Variants in WDFY1 observed in about 807,000 individuals in gnomAD.
WDFY1 encodes WD repeat and FYVE domain containing 1, also known as WD repeat and FYVE domain-containing protein 1.
A neutral mutation model predicts 56.4 loss-of-function variants in WDFY1; 32 were observed. The ratio of observed to expected loss-of-function variants is 0.57; its 90% confidence interval spans 0.43 to 0.76. The LOEUF (loss-of-function observed/expected upper bound fraction) is 0.76, where lower values mean the gene tolerates loss of function less well. Among genes scored for constraint, WDFY1 ranks in the 30% least tolerant of loss-of-function variants. The pLI is 0.00. For missense variants in WDFY1, 480 were observed against 545.7 expected, an observed-to-expected ratio of 0.88 and a Z score of 1.20; for synonymous variants, 192 against 197.3, an observed-to-expected ratio of 0.97 and a Z score of 0.23.
chr2:223,925,058 A>C (rs1057358412), intron 1 of WDFY1, among the ~76,000 whole-genome samples: 1 of 152,226 alleles, frequency 6.6e-6, no homozygotes, highest in Non-Finnish European at 1.5e-5. Context: ...AAAACTTCAT[A>C]TAAGCTTTAT....
In WDFY1 at chr2:223,878,674, G is replaced by A; in HGVS notation, c.1230C>T (p.His410=). Residue 410 remains histidine, a synonymous_variant, in exon 12 of 12, where the codon CAC becomes CAT. Transcript: ENST00000233055. ...GCSLATGFSP[H] ...TGGACGCCGCCCAGCTCTCAGATCAGTGCGGAGAAAACCCAGTCGCCAGAC... is the reference window on the plus strand; with the variant it reads ...TGGACGCCGCCCAGCTCTCAGATCAATGCGGAGAAAACCCAGTCGCCAGAC... 1.2e-6 allele frequency: 2 copies of A among 1,613,656 alleles called. No homozygotes were observed. The highest frequency in any genetic ancestry group is 1.7e-6 in the Non-Finnish European group (2 of 1,179,550).
At chr2:223,908,730 C>A (rs977611094) in intron 3 of WDFY1, among the ~76,000 whole-genome samples, 7 of 152,166 alleles carry the variant, frequency 4.6e-5, no homozygotes, top group Non-Finnish European at 8.8e-5. Flanking sequence ...AGACCAAACC[C>A]TGAGGTTCCA....
intron 6 of WDFY1, among the ~76,000 whole-genome samples, chr2:223,896,583 C>T (rs2106079359): frequency 6.6e-6 from 1 of 152,264 alleles, no homozygotes; most frequent in South Asian, 2.1e-4. Context: ...TTCAGTAGGT[C>T]CTTTCCTTGT....
At chr2:223,927,276 A>G (rs1439717085) in intron 1 of WDFY1, among the ~76,000 whole-genome samples, 1 of 152,358 alleles carries the variant, frequency 6.6e-6, no homozygotes, top group African/African-American at 2.4e-5. Context: ...AAAGTCCTAG[A>G]TGGCATCTTC....
chr2:223,878,708 A>T lies in WDFY1; in HGVS notation c.1196T>A (p.Val399Glu). The change falls in exon 12 of 12, where the codon GTG becomes GAG. Residue 399 changes from valine to glutamate, a missense_variant. Coordinates refer to ENST00000233055, the MANE Select transcript of WDFY1 (RefSeq NM_020830.5). ...AAACCCAGTCGCCAGACTGCAGCCCACCACAGGTGTCATGTCCCAGATCTA... is the reference window on the plus strand; with the variant it reads ...AAACCCAGTCGCCAGACTGCAGCCCTCCACAGGTGTCATGTCCCAGATCTA... Reference protein sequence around the residue: ...IVKIWDMTPVVGCSLATGFSP... With the variant: ...IVKIWDMTPVEGCSLATGFSP... The T allele has an allele frequency of 1.2e-6, 2 of 1,614,048 alleles. No individual in the cohort carries two copies. The highest frequency in any genetic ancestry group is 1.7e-6 in the Non-Finnish European group (2 of 1,179,964).
At chr2:223,917,072 C>G (rs580619) in intron 2 of WDFY1, among the ~76,000 whole-genome samples, 131,377 of 152,006 alleles carry the variant, frequency 0.86, 57,253 homozygotes, top group Non-Finnish European at 0.93. Flanking sequence ...CCTTGGCCTC[C>G]CAAAGTGCTG....
intron 7 of WDFY1, among the ~76,000 whole-genome samples, chr2:223,895,115 C>A (rs1037363414): frequency 3.9e-5 from 6 of 152,178 alleles, no homozygotes; most frequent in Non-Finnish European, 8.8e-5. Flanking sequence ...AAGTTAGGCT[C>A]CCAGCTCAAC....
At chr2:223,927,704 G>C (rs1248053565) in intron 1 of WDFY1, among the ~76,000 whole-genome samples, 1 of 152,108 alleles carries the variant, frequency 6.6e-6, no homozygotes, top group Non-Finnish European at 1.5e-5. Flanking sequence ...CTTTTCATTT[G>C]CATCCATAAC....
chr2:223,897,390 A>ATATTTTTTTTTT (rs1461451983), intron 6 of WDFY1, among the ~76,000 whole-genome samples: 32 of 125,984 alleles, frequency 2.5e-4, no homozygotes, highest in Non-Finnish European at 2.7e-4. Context: ...ATATATATAT[A>ATATTTTTTTTTT]TTTTTTAAGA....
chr2:223,904,959 G>A (rs2106084679), intron 4 of WDFY1, among the ~76,000 whole-genome samples: 1 of 152,328 alleles, frequency 6.6e-6, no homozygotes, highest in South Asian at 2.1e-4. Context: ...ATGCCACAAA[G>A]TATTGATAGC....
At chr2:223,945,124 G>T in intron 1 of WDFY1, 24 bp downstream of exon 1, 3 of 1,568,976 alleles carry the variant, frequency 1.9e-6, no homozygotes, top group Non-Finnish European at 1.7e-6. Flanking sequence ...AGTTCGGGCC[G>T]CCCCGGCTGC....
intron 6 of WDFY1, 42 bp downstream of exon 6, chr2:223,898,916 C>A (rs1280683887): frequency 1.3e-6 from 2 of 1,533,868 alleles, no homozygotes; most frequent in Admixed American, 3.3e-5. Flanking sequence ...TTTGGATGTC[C>A]AAGTTAGGCA....
In WDFY1 at chr2:223,878,575, C is replaced by T; in HGVS notation, c.*96G>A. ...ATGTTGATTTGTTTGTAAGTGGCTA[C>T]TGTCCATTCACGAGACAGCGCTGTG... On this transcript the variant is annotated 3_prime_UTR_variant, in exon 12 of 12. Transcript: ENST00000233055. 1 of 873,108 alleles carries T rather than the reference C, an allele frequency of 1.1e-6. No individual in the cohort carries two copies. Among genetic ancestry groups the T allele is most frequent in the East Asian group, 2.5e-5 (1 of 39,830 alleles). The allele number at this position is 873,108 out of a possible 1,614,324, so 54.1% of individuals were successfully genotyped here.
Position 223,877,095 on chromosome 2 carries a change from T to C in WDFY1, c.*1576A>G, listed in dbSNP as rs1047199836. 3 of 152,214 alleles carry C rather than the reference T, an allele frequency of 2.0e-5. No individual in the cohort carries two copies. The highest frequency in any genetic ancestry group is 7.2e-5 in the African/African-American group (3 of 41,456). The allele number at this position is 152,214 out of a possible 1,614,324, so 9.4% of individuals were successfully genotyped here. A position where few individuals can be genotyped will look rare whatever the true frequency, so the allele number is the denominator to read the frequency against. ...TTTCTGAAGACAAGTCTATGTTTAA[T>C]GCAGATCATTCCAGTACATGATGTG... On this transcript the variant is annotated 3_prime_UTR_variant, in exon 12 of 12. Transcript: ENST00000233055.
chr2:223,884,507 C>T, intron 9 of WDFY1, 141 bp downstream of exon 9: 1 of 775,066 alleles, frequency 1.3e-6, no homozygotes, highest in Non-Finnish European at 2.2e-6. Flanking sequence ...CATTGTTAGT[C>T]ACACAATGAT....
chr2:223,910,287 T>C (rs1420861613), intron 3 of WDFY1, among the ~76,000 whole-genome samples: 2 of 152,182 alleles, frequency 1.3e-5, no homozygotes, highest in African/African-American at 4.8e-5. Flanking sequence ...AATGTAAAGC[T>C]AAACTATAAA....
chr2:223,904,749 A>G (rs1693569365), intron 4 of WDFY1, among the ~76,000 whole-genome samples: 1 of 152,202 alleles, frequency 6.6e-6, no homozygotes, highest in African/African-American at 2.4e-5. Context: ...GAGTGAATAA[A>G]ATGAGGCTAA....
intron 2 of WDFY1, among the ~76,000 whole-genome samples, chr2:223,914,998 A>G (rs973253434): frequency 6.6e-6 from 1 of 152,260 alleles, no homozygotes; most frequent in Non-Finnish European, 1.5e-5. Flanking sequence ...AACCACTAAG[A>G]CATCCTAAAT....
At chr2:223,906,953 ACC>A (rs1491400300) in intron 3 of WDFY1, among the ~76,000 whole-genome samples, 806 of 57,304 alleles carry the variant, frequency 0.014, 7 homozygotes, top group African/African-American at 0.042. Flanking sequence ...AATTACTACT[ACC>A]ATTATTATTA....
Sources: allele counts gnomAD v4.1 joint callset (sites outside exome capture counted in the v4.1 genomes callset), GRCh38; gene constraint gnomAD v4.1.1; transcripts MANE v1.5; gene names NCBI Gene and HGNC (gene_info 2026-07-23, HGNC 2026-07-21).